Variants in CIMIP4 observed in about 807,000 individuals in gnomAD.
The protein encoded by CIMIP4 is protein EAN57.
At chr22:37,004,166 C>T in the CIMIP4 span, 5 of 703,140 alleles carry the variant, frequency 7.1e-6, no homozygotes, top group Admixed American at 8.9e-5. Flanking sequence ...CCCTGGTGCC[C>T]TCTGGCACTG....
At chr22:37,001,546 C>CCCA in the CIMIP4 span, among the ~76,000 whole-genome samples, 6 of 152,264 alleles carry the variant, frequency 3.9e-5, no homozygotes, top group South Asian at 1.2e-3. Flanking sequence ...TTTGCACCCT[C>CCCA]GTCTCGCACA....
the CIMIP4 span, chr22:36,991,156 A>G: frequency 6.2e-7 from 1 of 1,606,322 alleles, no homozygotes; most frequent in Non-Finnish European, 8.5e-7. Context: ...ATTTGAGTAG[A>G]AGACACCTCT....
the CIMIP4 span, among the ~76,000 whole-genome samples, chr22:36,996,304 GAATT>G: frequency 6.6e-6 from 1 of 151,842 alleles, no homozygotes; most frequent in African/African-American, 2.4e-5. Context: ...CTAATTACTG[GAATT>G]AATTGGTGAG....
the CIMIP4 span, chr22:37,004,099 C>G: frequency 1.4e-6 from 2 of 1,402,136 alleles, no homozygotes; most frequent in East Asian, 2.6e-5. Flanking sequence ...GAGCTGGGAG[C>G]TGAACAGGAA....
the CIMIP4 span, chr22:37,001,851 C>G: frequency 6.3e-7 from 1 of 1,592,468 alleles, no homozygotes; most frequent in Non-Finnish European, 8.6e-7. Context: ...TCCTCGGAGA[C>G]CAGCTGGTCC....
the CIMIP4 span, chr22:36,991,589 C>A: frequency 1.9e-6 from 3 of 1,613,988 alleles, no homozygotes; most frequent in Non-Finnish European, 2.5e-6. Context: ...TCCTCAGCAG[C>A]CCCTGTAGAA....
At chr22:36,994,575 G>A in the CIMIP4 span, among the ~76,000 whole-genome samples, 2 of 150,108 alleles carry the variant, frequency 1.3e-5, no homozygotes, top group African/African-American at 4.9e-5. Context: ...CACCATATTG[G>A]CCAGGATGAT....
the CIMIP4 span, among the ~76,000 whole-genome samples, chr22:36,999,251 G>GT: frequency 6.8e-6 from 1 of 148,042 alleles, no homozygotes. Context: ...GAGCCCAGGA[G>GT]TTTGAGACCA....
the CIMIP4 span, among the ~76,000 whole-genome samples, chr22:37,003,453 CT>C: frequency 6.6e-6 from 1 of 152,186 alleles, no homozygotes; most frequent in East Asian, 1.9e-4. Flanking sequence ...GCATCAAAAT[CT>C]TTCCTCTTGT....
the CIMIP4 span, among the ~76,000 whole-genome samples, chr22:37,001,406 T>C: frequency 6.6e-6 from 1 of 152,204 alleles, no homozygotes; most frequent in South Asian, 2.1e-4. Context: ...TGATTCCCAA[T>C]AAATGCTATC....
At chr22:36,995,539 G>A in the CIMIP4 span, among the ~76,000 whole-genome samples, 3 of 152,158 alleles carry the variant, frequency 2.0e-5, no homozygotes, top group Non-Finnish European at 4.4e-5. Flanking sequence ...TCTGTGGGAA[G>A]CCTATACACC....
the CIMIP4 span, among the ~76,000 whole-genome samples, chr22:36,993,280 G>T: frequency 6.6e-6 from 1 of 151,918 alleles, no homozygotes; most frequent in Admixed American, 6.6e-5. Context: ...AAAGTGCTGG[G>T]GTTACAGGTG....
At chr22:37,005,641 T>C in the CIMIP4 span, among the ~76,000 whole-genome samples, 4 of 151,230 alleles carry the variant, frequency 2.6e-5, no homozygotes, top group African/African-American at 4.9e-5. Context: ...TTACTAGAAA[T>C]AGTGGAAGAA....
At chr22:37,000,087 G>A in the CIMIP4 span, 46 of 1,410,002 alleles carry the variant, frequency 3.3e-5, 1 homozygote, top group African/African-American at 1.7e-4. Flanking sequence ...TCCCCACCCC[G>A]ATCCCACCTG....
chr22:36,997,671 C>A, the CIMIP4 span, among the ~76,000 whole-genome samples: 2 of 152,214 alleles, frequency 1.3e-5, 1 homozygote, highest in East Asian at 3.8e-4. Flanking sequence ...CCATTCTCCC[C>A]ATAGCAACTG....
chr22:36,999,293 G>C, the CIMIP4 span, among the ~76,000 whole-genome samples: 114,906 of 139,958 alleles, frequency 0.82, 47,277 homozygotes, highest in Admixed American at 0.87. Flanking sequence ...CTTGCCTCTA[G>C]CAAAAATACA....
the CIMIP4 span, among the ~76,000 whole-genome samples, chr22:37,006,088 G>C: frequency 6.6e-6 from 1 of 152,144 alleles, no homozygotes; most frequent in Non-Finnish European, 1.5e-5. Context: ...GAAGCTTAAG[G>C]CTCCTCAACA....
the CIMIP4 span, among the ~76,000 whole-genome samples, chr22:36,998,253 G>A: frequency 0.2 from 30,917 of 152,112 alleles, 3,495 homozygotes; most frequent in East Asian, 0.53. Flanking sequence ...TGGAAGGCCC[G>A]GAACAGAGAA....
the CIMIP4 span, among the ~76,000 whole-genome samples, chr22:37,005,769 T>G: frequency 1.3e-5 from 2 of 152,244 alleles, no homozygotes; most frequent in African/African-American, 4.8e-5. Context: ...CCTCTTACTT[T>G]CTTCTTGCTG....
Sources: gnomAD v4.1 joint callset for allele counts (sites outside exome capture counted in the v4.1 genomes callset) on GRCh38, gnomAD v4.1.1 for gene constraint, MANE v1.5 for transcripts, NCBI Gene and HGNC (gene_info 2026-07-23, HGNC 2026-07-21) for gene names.